The following ATP8A2 variants were observed in gnomAD, a reference collection of about 807,000 sequenced individuals.
ATP8A2 encodes phospholipid-transporting ATPase IB.
A neutral mutation model predicts 165.6 loss-of-function variants in ATP8A2; 100 were observed. That is an observed-to-expected ratio of 0.60 (90% confidence interval 0.51 to 0.71). The LOEUF (loss-of-function observed/expected upper bound fraction) is 0.71. ATP8A2 is among the 30% of genes least tolerant of loss of function. ATP8A2 has a pLI of 0.00. For synonymous variants in ATP8A2, 543 were observed against 548.8 expected (o/e 0.99, Z 0.15); for missense variants, 1,227 against 1,479.5 (o/e 0.83, Z 2.80).
chr13:25,538,120 A>G (rs968965129), intron 7 of ATP8A2, 59 bp downstream of exon 7: 31 of 1,333,650 alleles, frequency 2.3e-5, no homozygotes, highest in Non-Finnish European at 3.3e-5. Flanking sequence ...TAAAATATTA[A>G]GCAGCACCTG....
intron 1 of ATP8A2, among the ~76,000 whole-genome samples, chr13:25,379,059 C>A (rs2032744128): frequency 6.6e-6 from 1 of 152,118 alleles, no homozygotes; most frequent in South Asian, 2.1e-4. Flanking sequence ...ATATTCTTTT[C>A]TTTTCTCCTC....
At chr13:25,712,334 G>T (rs2043174444) in intron 25 of ATP8A2, among the ~76,000 whole-genome samples, 1 of 151,426 alleles carries the variant, frequency 6.6e-6, no homozygotes, top group Non-Finnish European at 1.5e-5. Context: ...TGTGGAGGTG[G>T]CTTATGTCAG....
At chr13:25,788,846 T>A (rs2045096952) in intron 27 of ATP8A2, among the ~76,000 whole-genome samples, 1 of 152,328 alleles carries the variant, frequency 6.6e-6, no homozygotes, top group African/African-American at 2.4e-5. Flanking sequence ...TGAGAAATCA[T>A]TCTCTGCACA....
At chr13:25,741,929 A>T (rs954047523) in intron 25 of ATP8A2, among the ~76,000 whole-genome samples, 1 of 152,186 alleles carries the variant, frequency 6.6e-6, no homozygotes, top group Admixed American at 6.5e-5. Flanking sequence ...TTCGTTGTAG[A>T]GTTTCAGGAG....
chr13:25,860,309 G>A, intron 31 of ATP8A2, 53 bp downstream of exon 31: 1 of 1,196,166 alleles, frequency 8.4e-7, no homozygotes, highest in Non-Finnish European at 1.2e-6. Context: ...TGTGTGGCTT[G>A]CACTTCTCTA....
rs1163012530 is a variant in ATP8A2, at chr13:25,372,487, A to T, written c.76+199A>T. On this transcript the variant is annotated intron_variant, in intron 1 of 36. Transcript: ENST00000381655. This position sits in a 1 kb window ranked among gnomAD's most constrained non-coding sequence, Gnocchi z 4.8. ...GCGTCGCTGCACCTGCGGGGCCAAA[A>T]GGCTCCAGGCCGGGGCGAGGTGAGC... 6.6e-6 allele frequency among the ~76,000 whole-genome samples: 1 copy of T among 152,056 alleles called. No homozygotes were observed. The highest frequency in any genetic ancestry group is 2.4e-5 in the African/African-American group (1 of 41,418).
At chr13:25,939,227 C>T (rs1955000153) in intron 33 of ATP8A2, among the ~76,000 whole-genome samples, 2 of 152,128 alleles carry the variant, frequency 1.3e-5, no homozygotes, top group African/African-American at 4.8e-5. Flanking sequence ...GCCTCCATAC[C>T]ACAGTTTGTC....
At chr13:25,494,162 C>T (rs34934452) in intron 2 of ATP8A2, among the ~76,000 whole-genome samples, 41,523 of 151,866 alleles carry the variant, frequency 0.27, 6,795 homozygotes, top group Middle Eastern at 0.4. Context: ...GCACCAAGAA[C>T]CTAGGTGACA....
chr13:25,835,752 A>C (rs1951587561), intron 28 of ATP8A2, among the ~76,000 whole-genome samples: 2 of 152,148 alleles, frequency 1.3e-5, no homozygotes, highest in Admixed American at 6.5e-5. Flanking sequence ...CAAGTCTTGC[A>C]AGGCACCATC....
chr13:25,830,100 C>A (rs116994697), intron 28 of ATP8A2, among the ~76,000 whole-genome samples: 1 of 151,556 alleles, frequency 6.6e-6, no homozygotes, highest in Admixed American at 6.6e-5. Flanking sequence ...CCTTGACCTC[C>A]CTGGCTCAAG....
chr13:26,012,672 C>G, intron 36 of ATP8A2, 50 bp downstream of exon 36: 3 of 846,976 alleles, frequency 3.5e-6, no homozygotes, highest in South Asian at 2.7e-5. Context: ...CGGTGCGGGG[C>G]GGGGGTTGAT....
At chr13:25,522,695 A>G (rs1416555317) in intron 2 of ATP8A2, among the ~76,000 whole-genome samples, 1 of 152,180 alleles carries the variant, frequency 6.6e-6, no homozygotes, top group Non-Finnish European at 1.5e-5. Flanking sequence ...GGTTCTGTTA[A>G]TGTCATATAT....
chr13:25,858,466 C>T (rs865834862), intron 30 of ATP8A2, among the ~76,000 whole-genome samples: 4 of 152,118 alleles, frequency 2.6e-5, no homozygotes, highest in Admixed American at 6.5e-5. Flanking sequence ...TAGTGCAGCC[C>T]GTGATGTTGC....
chr13:25,525,605 T>G (rs904981136), intron 2 of ATP8A2, among the ~76,000 whole-genome samples: 1 of 152,174 alleles, frequency 6.6e-6, no homozygotes, highest in Non-Finnish European at 1.5e-5. Flanking sequence ...ATTTTTTTTC[T>G]TTTAGCACTT....
At chr13:25,571,761 G>A in intron 18 of ATP8A2, 69 bp downstream of exon 18, 3 of 1,303,142 alleles carry the variant, frequency 2.3e-6, no homozygotes, top group Non-Finnish European at 2.2e-6. Flanking sequence ...GAAATGGCAT[G>A]TCTATTGTAA....
At chr13:25,505,191 T>C (rs1025086674) in intron 2 of ATP8A2, among the ~76,000 whole-genome samples, 2 of 131,378 alleles carry the variant, frequency 1.5e-5, no homozygotes, top group African/African-American at 6.1e-5. Context: ...GGATTTGTTT[T>C]TTCGGCGGGG....
chr13:25,862,924 C>T (rs1021834606), intron 33 of ATP8A2, among the ~76,000 whole-genome samples: 22 of 152,156 alleles, frequency 1.4e-4, no homozygotes, highest in Admixed American at 2.6e-4. Context: ...AGATTGAAGA[C>T]CTTTACACTC....
intron 33 of ATP8A2, among the ~76,000 whole-genome samples, chr13:25,891,434 C>G (rs1953357434): frequency 6.6e-6 from 1 of 152,066 alleles, no homozygotes; most frequent in Non-Finnish European, 1.5e-5. Context: ...GCAATTCTCC[C>G]ACCTCAGCCT....
chr13:25,951,697 T>C (rs1000209276), intron 33 of ATP8A2, among the ~76,000 whole-genome samples: 1 of 152,124 alleles, frequency 6.6e-6, no homozygotes, highest in African/African-American at 2.4e-5. Context: ...TGGGGGTGCT[T>C]TTGAGAACCC....
Sources: allele counts gnomAD v4.1 joint callset (sites outside exome capture counted in the v4.1 genomes callset), GRCh38; gene constraint gnomAD v4.1.1; non-coding constraint Gnocchi (gnomAD v3.1); transcripts MANE v1.5; gene names NCBI Gene and HGNC (gene_info 2026-07-23, HGNC 2026-07-21).